The following RNF213 variants were observed in gnomAD, a reference collection of about 807,000 sequenced individuals.
The protein encoded by RNF213 is E3 ubiquitin-protein ligase RNF213.
RNF213 carries 341 observed loss-of-function variants against 514.4 expected under a neutral mutation model. That is an observed-to-expected ratio of 0.66 (90% CI 0.61 to 0.73). The LOEUF (loss-of-function observed/expected upper bound fraction) is 0.73. Ranked by LOEUF, RNF213 falls within the 30% of genes least tolerant of loss-of-function variation. The pLI is 0.00. For synonymous variants in RNF213, 2,655 were observed against 2,658.2 expected (o/e 1.00, Z 0.04); for missense variants, 5,767 against 6,615.6 (o/e 0.87, Z 4.45).
intron 32 of RNF213, 165 bp from the exon 33 acceptor site, chr17:80,352,775 G>C: frequency 1.0e-6 from 1 of 971,346 alleles, no homozygotes; most frequent in South Asian, 1.3e-5. Context: ...GTATCGGGTT[G>C]GGTGGTTTCT....
intron 1 of RNF213, among the ~76,000 whole-genome samples, chr17:80,262,846 G>A (rs575193139): frequency 6.6e-6 from 1 of 152,320 alleles, no homozygotes; most frequent in Admixed American, 6.5e-5. Context: ...GAGGGGGCCT[G>A]AGTGTCCTCC....
intron 8 of RNF213, among the ~76,000 whole-genome samples, chr17:80,293,375 C>G (rs2044809695): frequency 6.6e-6 from 1 of 152,000 alleles, no homozygotes; most frequent in Admixed American, 6.6e-5. Flanking sequence ...ATGATTTTTA[C>G]TAGCTAGAGA....
chr17:80,352,481 ATC>A (rs1010722177), intron 32 of RNF213: 13 of 485,554 alleles, frequency 2.7e-5, no homozygotes, highest in Non-Finnish European at 4.4e-5. Context: ...CTATCTTCAG[ATC>A]TCTTTTTTTC....
chr17:80,313,764 GAGGTACTGGAGGTGA>G (rs2045677956), intron 15 of RNF213, among the ~76,000 whole-genome samples: 2 of 147,706 alleles, frequency 1.4e-5, no homozygotes, highest in Admixed American at 6.7e-5. Flanking sequence ...GGAGGTGGTG[GAGGTACTGGAGGTGA>G]TGGTGGTGGT....
intron 36 of RNF213, 38 bp from the exon 37 acceptor site, chr17:80,358,250 T>C (rs376193046): frequency 4.7e-5 from 75 of 1,601,728 alleles, no homozygotes; most frequent in Non-Finnish European, 6.1e-5. Context: ...CTCTGGTTCC[T>C]CTGACCCGTG....
Position 80,363,608 on chromosome 17 carries a change from G to A in RNF213, c.11569-1G>A. 6.2e-7 allele frequency: 1 copy of A among 1,613,482 alleles called. No homozygotes were observed. Among genetic ancestry groups the A allele is most frequent in the Non-Finnish European group, 8.5e-7 (1 of 1,180,030 alleles). On this transcript the variant is annotated splice_acceptor_variant, in intron 40 of 67. Transcript: ENST00000582970. LOFTEE classifies it high-confidence loss of function. ...CCACGCCCTGCTGTCCGTCTCCCCA[G>A]ACCCTGGACGCATTTGCCGCAATGG...
intron 32 of RNF213, 182 bp from the exon 33 acceptor site, chr17:80,352,758 G>A (rs1426967839): frequency 3.6e-5 from 30 of 843,948 alleles, no homozygotes; most frequent in South Asian, 1.4e-4. Flanking sequence ...GAATCGGGTC[G>A]TGTATAGTAT....
intron 8 of RNF213, among the ~76,000 whole-genome samples, chr17:80,293,378 G>A (rs971502614): frequency 1.3e-5 from 2 of 151,630 alleles, no homozygotes; most frequent in African/African-American, 4.9e-5. Context: ...ATTTTTACTA[G>A]CTAGAGAGTG....
Position 80,346,256 on chromosome 17 carries a change from G to T in RNF213, c.7921G>T (p.Val2641Leu). ...DECSFVSLRD[V>L]ERCVKVFRWF... ...GTGCAGCTTTGTCAGCCTCAGGGAC[G>T]TGGAGCGCTGTGTGAAAGTTTTCAG... The change falls in exon 29 of 68, where the codon GTG (valine) becomes TTG (leucine). Residue 2641 changes from valine to leucine, a missense_variant. Physicochemically the swap from Val to Leu is conservative, Grantham distance 32. This residue lies in a region of RNF213 where 1,377 missense variants were observed against 1,635.2 expected (regional missense o/e 0.84). Transcript: ENST00000582970. The surrounding 1 kb of genome is among the most constrained non-coding windows in gnomAD (Gnocchi z 8.1). 6.2e-7 allele frequency: 1 copy of T among 1,614,154 alleles called. No homozygotes were observed. The highest frequency in any genetic ancestry group is 8.5e-7 in the Non-Finnish European group (1 of 1,180,026).
At position 80,377,452 on chromosome 17, in the gene RNF213, CAAGGAAAA is replaced by C. The variant is rs1419117538; in HGVS notation, c.13511-309_13511-302del. Among the ~76,000 whole-genome samples, 3 of 145,482 alleles carry C rather than the reference CAAGGAAAA, an allele frequency of 2.1e-5. No individual in the cohort carries two copies. The highest frequency in any genetic ancestry group is 6.8e-5 in the Admixed American group (1 of 14,686). ...ATGCTCATGACAAAAAAAAAAAAAT[CAAGGAAAA>C]TAGAAAGGTCTAGAATCCTGTCCAC... On this transcript the variant is annotated intron_variant, in intron 53 of 67. Transcript: ENST00000582970. The surrounding 1 kb of genome is among the most constrained non-coding windows in gnomAD (Gnocchi z 4.1).
Position 80,346,523 on chromosome 17 carries a change from G to A in RNF213, c.8188G>A (p.Asp2730Asn). Reference protein sequence around the residue: ...LLLDEITRAQDLFLDGVPLRK... With the variant: ...LLLDEITRAQNLFLDGVPLRK... ...TCTGGATGAAATAACACGGGCACAG[G>A]ATCTTTTTCTGGACGGCGTACCTCT... The change falls in exon 29 of 68, where the codon GAT (aspartate) becomes AAT (asparagine). Residue 2730 changes from aspartate (D) to asparagine (N), a missense_variant. By Grantham distance (23) the Asp-to-Asn change is conservative. Around this residue, in one of 13 missense-constraint regions of RNF213, gnomAD observed 1,377 missense variants for 1,635.2 expected, o/e 0.84. Coordinates refer to ENST00000582970, the MANE Select transcript of RNF213 (RefSeq NM_001256071.3). This position sits in a 1 kb window ranked among gnomAD's most constrained non-coding sequence, Gnocchi z 8.1. 1.9e-6 allele frequency: 3 copies of A among 1,613,578 alleles called. No individual in the cohort carries two copies. The highest frequency in any genetic ancestry group is 2.5e-6 in the Non-Finnish European group (3 of 1,180,032).
At chr17:80,356,589 G>A (rs1374257491) in intron 36 of RNF213, among the ~76,000 whole-genome samples, 3 of 152,244 alleles carry the variant, frequency 2.0e-5, no homozygotes, top group African/African-American at 7.2e-5. Context: ...CAAATCCTGA[G>A]AGTCCTTTGT....
chr17:80,328,163 C>T (rs867257770), intron 19 of RNF213, among the ~76,000 whole-genome samples, 165 bp from the exon 20 acceptor site: 8 of 152,138 alleles, frequency 5.3e-5, no homozygotes, highest in African/African-American at 1.7e-4. Context: ...AAGAACATCA[C>T]GGGAAAGTGA....
At position 80,361,538 on chromosome 17, in the gene RNF213, AAG is replaced by A. The variant is rs1158015545; in HGVS notation, c.11201-194_11201-193del. Among the ~76,000 whole-genome samples the A allele has an allele frequency of 1.2e-4, 19 of 152,304 alleles. 1 individual carries two copies. Among genetic ancestry groups the A allele is most frequent in the African/African-American group, 3.4e-4 (14 of 41,568 alleles). On this transcript the variant is annotated intron_variant, in intron 38 of 67. Transcript: ENST00000582970. Reference sequence around the variant, plus strand: ...GACTCCATCTCCAAAAAAAAGGAAAAAGAAAAATATCCTAAATGTCTAGACAG... The same window carrying A: ...GACTCCATCTCCAAAAAAAAGGAAAAAAAAATATCCTAAATGTCTAGACAG...
intron 25 of RNF213, among the ~76,000 whole-genome samples, chr17:80,338,473 T>TG (rs1197728243): frequency 2.0e-5 from 3 of 152,182 alleles, no homozygotes; most frequent in Non-Finnish European, 1.5e-5. Context: ...AAAGTTGATT[T>TG]GTACTTTACA....
intron 36 of RNF213, among the ~76,000 whole-genome samples, chr17:80,356,394 CGCA>C (rs2144296017): frequency 6.6e-6 from 1 of 152,256 alleles, no homozygotes; most frequent in East Asian, 1.9e-4. Context: ...CTGCTGTTCA[CGCA>C]GCACTAGGCC....
At chr17:80,349,576 T>C (rs973636577) in intron 29 of RNF213, among the ~76,000 whole-genome samples, 194 bp from the exon 30 acceptor site, 2 of 152,202 alleles carry the variant, frequency 1.3e-5, no homozygotes, top group African/African-American at 4.8e-5. Context: ...TCCAATGCCT[T>C]TGGCCCTGTA....
chr17:80,355,981 G>T (rs771355185), intron 36 of RNF213, among the ~76,000 whole-genome samples: 2 of 148,922 alleles, frequency 1.3e-5, no homozygotes, highest in African/African-American at 5.0e-5. Flanking sequence ...ATTTCCCTCC[G>T]TTCCTCCTTG....
chr17:80,390,442 G>C lies in RNF213; in HGVS notation c.15470+246G>C, dbSNP rs548294893. Among the ~76,000 whole-genome samples, 4 of 152,236 alleles carry C rather than the reference G, an allele frequency of 2.6e-5. No individual in the cohort carries two copies. The South Asian group carries it at 6.2e-4, about 24-fold the overall frequency. ...GTTACCCAGGCTGGAGTGCAGTGGA[G>C]TAATCTCAACTCACTGCAACCTTGG... On this transcript the variant is annotated intron_variant, in intron 67 of 67. Coordinates refer to ENST00000582970, the MANE Select transcript of RNF213 (RefSeq NM_001256071.3).
Sources: allele counts gnomAD v4.1 joint callset (sites outside exome capture counted in the v4.1 genomes callset), GRCh38; gene constraint gnomAD v4.1.1; regional missense constraint gnomAD v4.1.1; non-coding constraint Gnocchi (gnomAD v3.1); transcripts MANE v1.5; gene names NCBI Gene and HGNC (gene_info 2026-07-23, HGNC 2026-07-21).